The following RUNX1 variants were observed in gnomAD, a reference collection of about 807,000 sequenced individuals.
RUNX1 encodes the protein RUNX family transcription factor 1, also known as runt-related transcription factor 1.
A neutral mutation model predicts 42.8 loss-of-function variants in RUNX1; 19 were observed. The ratio of observed to expected loss-of-function variants is 0.44; its 90% CI spans 0.31 to 0.65. RUNX1 has a LOEUF of 0.65. Ranked by LOEUF, RUNX1 falls within the 30% of genes least tolerant of loss-of-function variation. The pLI is 0.07. For missense variants in RUNX1, 528 were observed against 672.0 expected, an observed-to-expected ratio of 0.79 and a Z score of 2.37; for synonymous variants, 271 against 289.4, an observed-to-expected ratio of 0.94 and a Z score of 0.64.
chr21:34,859,021 T>C (rs1223815292), intron 6 of RUNX1, among the ~76,000 whole-genome samples: 5 of 152,210 alleles, frequency 3.3e-5, no homozygotes, highest in African/African-American at 1.2e-4. Flanking sequence ...GTCATTTTCA[T>C]AGTTTTCATC....
intron 2 of RUNX1, among the ~76,000 whole-genome samples, chr21:34,994,238 TA>T (rs891941405): frequency 0.012 from 1,771 of 148,560 alleles, 26 homozygotes; most frequent in African/African-American, 0.041. Context: ...TTAAGAAAAT[TA>T]AAAAAAAAAC....
intron 2 of RUNX1, among the ~76,000 whole-genome samples, chr21:34,981,629 G>A (rs1243616751): frequency 1.3e-5 from 2 of 152,132 alleles, no homozygotes; most frequent in African/African-American, 4.8e-5. Flanking sequence ...GGATCCACAT[G>A]AGCCATGGAA....
At chr21:34,962,065 GA>G (rs1312716758) in intron 2 of RUNX1, among the ~76,000 whole-genome samples, 3 of 151,584 alleles carry the variant, frequency 2.0e-5, no homozygotes, top group South Asian at 4.2e-4. Flanking sequence ...ATTAATTTTT[GA>G]AAAAAAATTT....
intron 2 of RUNX1, among the ~76,000 whole-genome samples, chr21:34,971,426 T>A (rs1174284216): frequency 6.6e-6 from 1 of 152,212 alleles, no homozygotes; most frequent in African/African-American, 2.4e-5. Context: ...ATGATAATTC[T>A]TTTGCTTTAT....
intron 2 of RUNX1, among the ~76,000 whole-genome samples, chr21:34,993,412 CT>C (rs1436245335): frequency 6.6e-6 from 1 of 152,090 alleles, no homozygotes; most frequent in Non-Finnish European, 1.5e-5. Context: ...ACCTCAGGGA[CT>C]TTCCATTTGA....
chr21:34,842,989 G>C (rs2057262543), intron 6 of RUNX1, among the ~76,000 whole-genome samples: 1 of 152,182 alleles, frequency 6.6e-6, no homozygotes. Context: ...AGAATTGCTA[G>C]AACCCAGGAG....
intron 2 of RUNX1, among the ~76,000 whole-genome samples, chr21:34,928,679 T>TAAA (rs11389057): frequency 3.2e-3 from 451 of 140,680 alleles, no homozygotes; most frequent in African/African-American, 0.011. Flanking sequence ...GACTCCATCT[T>TAAA]AAAAAAAAAA....
At chr21:34,828,103 G>A (rs2057014139) in intron 7 of RUNX1, among the ~76,000 whole-genome samples, 1 of 152,252 alleles carries the variant, frequency 6.6e-6, no homozygotes, top group Non-Finnish European at 1.5e-5. Context: ...CGTGAGAGAG[G>A]TGAAGTTTGG....
intron 6 of RUNX1, among the ~76,000 whole-genome samples, chr21:34,848,370 G>A (rs983705705): frequency 5.9e-5 from 9 of 152,242 alleles, no homozygotes; most frequent in African/African-American, 2.2e-4. Context: ...GGAAAACTGT[G>A]AAACGCAGTT....
chr21:34,831,027 T>C (rs927618287), intron 7 of RUNX1, among the ~76,000 whole-genome samples: 2 of 152,174 alleles, frequency 1.3e-5, no homozygotes, highest in African/African-American at 2.4e-5. Flanking sequence ...TCACTCGGGT[T>C]GCCCAAACCC....
chr21:35,004,246 G>A (rs1358300124), intron 2 of RUNX1, among the ~76,000 whole-genome samples: 1 of 152,212 alleles, frequency 6.6e-6, no homozygotes, highest in Non-Finnish European at 1.5e-5. Context: ...TCACATCCAT[G>A]ATGGTGACAT....
chr21:34,862,156 A>G (rs2057586591), intron 5 of RUNX1, among the ~76,000 whole-genome samples: 1 of 152,126 alleles, frequency 6.6e-6, no homozygotes. Flanking sequence ...TCTTTCAGCA[A>G]GAGAGTTACA....
At chr21:34,897,460 AG>A (rs769185781) in intron 2 of RUNX1, among the ~76,000 whole-genome samples, 5 of 152,184 alleles carry the variant, frequency 3.3e-5, no homozygotes, top group Admixed American at 6.5e-5. Flanking sequence ...CTCATCTTGG[AG>A]GGGGGCAGAT....
In RUNX1 at chr21:34,829,934, AAG is replaced by A. The variant is rs2057039950; in HGVS notation, c.805+4474_805+4475del. 3 of 152,254 alleles carry A rather than the reference AAG, an allele frequency of 2.0e-5. No individual in the cohort carries two copies. In the East Asian group the frequency reaches 5.8e-4, roughly 29 times the overall value. The allele number at this position is 152,254 out of a possible 1,614,324, so 9.4% of individuals were successfully genotyped here. A position where few individuals can be genotyped will look rare whatever the true frequency, so the allele number is the denominator to read the frequency against. On this transcript the variant is annotated intron_variant, in intron 7 of 8. Transcript: ENST00000675419. ...CTTCCTTTTGTCTATCCAGATGATA[AAG>A]AGAGAATCAGACGGACTTAAATAAC... is the stretch of plus-strand genomic sequence containing the variant.
intron 2 of RUNX1, among the ~76,000 whole-genome samples, chr21:34,992,751 T>C (rs2058955118): frequency 1.3e-5 from 2 of 150,708 alleles, no homozygotes; most frequent in African/African-American, 4.9e-5. Context: ...CACTGCTGCA[T>C]ATCCACACAA....
intron 6 of RUNX1, among the ~76,000 whole-genome samples, chr21:34,839,740 T>C (rs9305557): frequency 0.82 from 124,909 of 152,022 alleles, 53,250 homozygotes; most frequent in East Asian, 0.99. Context: ...AGGTCCCAGG[T>C]GATGCTGAGG....
At chr21:34,908,425 C>CG (rs774027721) in intron 2 of RUNX1, among the ~76,000 whole-genome samples, 28 of 151,828 alleles carry the variant, frequency 1.8e-4, no homozygotes, top group African/African-American at 3.6e-4. Flanking sequence ...AAAATGTCCT[C>CG]GGGGAAAAAA....
At position 35,010,045 on chromosome 21, in the gene RUNX1, ATAT is replaced by A. The variant is rs371283106; in HGVS notation, c.58+38794_58+38796del. On this transcript the variant is annotated intron_variant, in intron 2 of 8. Transcript: ENST00000675419. ...TCACACAGAACTGCATAGAAAGTTGATATTGGTAATGAGGGCCTAGGTTAGAAC... is the reference window on the plus strand; with the variant it reads ...TCACACAGAACTGCATAGAAAGTTGATGGTAATGAGGGCCTAGGTTAGAAC... Among the ~76,000 whole-genome samples, 270 of 152,306 alleles carry A rather than the reference ATAT, an allele frequency of 1.8e-3. 2 individuals are homozygous for A. Among genetic ancestry groups the A allele is most frequent in the African/African-American group, 6.2e-3 (259 of 41,568 alleles).
At chr21:34,998,155 A>G (rs1186390980) in intron 2 of RUNX1, among the ~76,000 whole-genome samples, 2 of 152,196 alleles carry the variant, frequency 1.3e-5, no homozygotes, top group African/African-American at 2.4e-5. Context: ...GAGCCTGTCA[A>G]TATTAATATC....
Sources: gnomAD v4.1 joint callset for allele counts (sites outside exome capture counted in the v4.1 genomes callset) on GRCh38, gnomAD v4.1.1 for gene constraint, MANE v1.5 for transcripts, NCBI Gene and HGNC (gene_info 2026-07-23, HGNC 2026-07-21) for gene names.